GRM7: variants seen among roughly 807,000 people sequenced by gnomAD.
GRM7 encodes metabotropic glutamate receptor 7.
In GRM7, 35 loss-of-function variants were observed where a neutral mutation model predicts 84.5. The ratio of observed to expected loss-of-function variants is 0.41; its 90% CI spans 0.32 to 0.55. The LOEUF (loss-of-function observed/expected upper bound fraction) is 0.55. Ranked by LOEUF, GRM7 falls within the 20% of genes least tolerant of loss-of-function variation. The probability of loss-of-function intolerance (pLI) is 0.19; values close to 1 mark genes in which losing one functional copy is unlikely to be tolerated. For synonymous variants in GRM7, 487 were observed against 455.1 expected (o/e 1.07, Z -0.89); for missense variants, 1,003 against 1,194.6 (o/e 0.84, Z 2.36).
intron 1 of GRM7, among the ~76,000 whole-genome samples, chr3:6,997,353 GA>G (rs1351804400): frequency 1.3e-5 from 2 of 152,080 alleles, no homozygotes; most frequent in Non-Finnish European, 2.9e-5. Flanking sequence ...ATTTATAAAG[GA>G]AAGAGGTCTA....
chr3:7,673,867 A>G (rs954831186), intron 8 of GRM7, among the ~76,000 whole-genome samples: 1 of 152,208 alleles, frequency 6.6e-6, no homozygotes, highest in South Asian at 2.1e-4. Context: ...GGTATACTCA[A>G]ATTGCTTCCT....
intron 7 of GRM7, among the ~76,000 whole-genome samples, chr3:7,512,460 C>CTG (rs1218370914): frequency 1.3e-5 from 2 of 152,010 alleles, no homozygotes; most frequent in African/African-American, 4.8e-5. Context: ...GAATGAGCCC[C>CTG]TGTGTGTGTG....
chr3:7,544,280 A>T (rs1693033751), intron 7 of GRM7, among the ~76,000 whole-genome samples: 1 of 152,194 alleles, frequency 6.6e-6, no homozygotes, highest in African/African-American at 2.4e-5. Flanking sequence ...CTCCTGCCTT[A>T]GCCTCTTGAG....
At chr3:6,982,789 A>C (rs1337428951) in intron 1 of GRM7, among the ~76,000 whole-genome samples, 1 of 152,180 alleles carries the variant, frequency 6.6e-6, no homozygotes. Context: ...GAGATTTATC[A>C]AAATTGTCAT....
intron 4 of GRM7, 37 bp from the exon 5 acceptor site, chr3:7,414,986 C>T: frequency 6.4e-7 from 1 of 1,551,626 alleles, no homozygotes; most frequent in South Asian, 1.2e-5. Flanking sequence ...CCAGCAGTGC[C>T]CCGCAAGCAA....
chr3:7,094,293 C>G (rs964181874), intron 1 of GRM7, among the ~76,000 whole-genome samples: 2 of 152,074 alleles, frequency 1.3e-5, no homozygotes, highest in Admixed American at 1.3e-4. Flanking sequence ...TTTTGTACAT[C>G]CAACCGACAT....
chr3:7,479,745 T>C (rs1222936576), intron 7 of GRM7, among the ~76,000 whole-genome samples: 2 of 152,156 alleles, frequency 1.3e-5, no homozygotes, highest in Non-Finnish European at 2.9e-5. Context: ...AACTATGCTA[T>C]TGGTCAAGGT....
intron 1 of GRM7, among the ~76,000 whole-genome samples, chr3:7,079,943 T>C (rs891130096): frequency 5.9e-5 from 9 of 152,170 alleles, no homozygotes; most frequent in African/African-American, 2.2e-4. Context: ...GAAATTCTGA[T>C]GCCAGAGTTT....
chr3:7,628,044 T>G (rs1234873015), intron 8 of GRM7, among the ~76,000 whole-genome samples: 1 of 152,168 alleles, frequency 6.6e-6, no homozygotes, highest in Non-Finnish European at 1.5e-5. Context: ...TGCAAACTCA[T>G]GCCCCTTTCC....
intron 1 of GRM7, among the ~76,000 whole-genome samples, chr3:6,926,568 C>A (rs1323227844): frequency 6.6e-6 from 1 of 152,160 alleles, no homozygotes; most frequent in Non-Finnish European, 1.5e-5. Context: ...AGAGGATAAT[C>A]TGGTGATATT....
chr3:7,064,517 T>TACAC (rs564968527), intron 1 of GRM7, among the ~76,000 whole-genome samples: 1 of 111,868 alleles, frequency 8.9e-6, no homozygotes, highest in African/African-American at 3.8e-5. Flanking sequence ...TATATATATA[T>TACAC]ACACACACAC....
chr3:7,723,658 C>T (rs955430392), intron 9 of GRM7, among the ~76,000 whole-genome samples: 8 of 151,988 alleles, frequency 5.3e-5, no homozygotes, highest in African/African-American at 1.7e-4. Flanking sequence ...ACACGAGCCT[C>T]GGTAACATAA....
At chr3:7,645,355 T>C (rs1379348842) in intron 8 of GRM7, among the ~76,000 whole-genome samples, 1 of 151,744 alleles carries the variant, frequency 6.6e-6, no homozygotes, top group Non-Finnish European at 1.5e-5. Context: ...GAGACCATCC[T>C]GGCCAACATG....
intron 2 of GRM7, among the ~76,000 whole-genome samples, chr3:7,147,149 G>A (rs772788471): frequency 6.6e-6 from 1 of 152,190 alleles, no homozygotes; most frequent in Non-Finnish European, 1.5e-5. Flanking sequence ...TATCCAGGCA[G>A]TAGAATGTAT....
chr3:7,018,862 C>T (rs997535215), intron 1 of GRM7, among the ~76,000 whole-genome samples: 4 of 152,094 alleles, frequency 2.6e-5, no homozygotes, highest in South Asian at 2.1e-4. Flanking sequence ...TTTGGGAGGG[C>T]GAGGCAGGTG....
intron 5 of GRM7, among the ~76,000 whole-genome samples, chr3:7,440,719 C>T (rs1160670337): frequency 6.6e-6 from 1 of 152,108 alleles, no homozygotes; most frequent in African/African-American, 2.4e-5. Flanking sequence ...ATGTGTAGCT[C>T]CCCCTTATAA....
intron 2 of GRM7, among the ~76,000 whole-genome samples, chr3:7,255,063 A>G (rs17047016): frequency 0.045 from 6,798 of 152,264 alleles, 526 homozygotes; most frequent in African/African-American, 0.16. Context: ...TTCCTCTGCA[A>G]ATATTTCATG....
chr3:7,695,990 C>G (rs1300383790), intron 9 of GRM7, among the ~76,000 whole-genome samples: 2 of 152,128 alleles, frequency 1.3e-5, no homozygotes, highest in Admixed American at 6.5e-5. Context: ...TCAACAGGCA[C>G]ATGTAGCTAG....
At chr3:7,316,442 C>T (rs918649171) in intron 4 of GRM7, among the ~76,000 whole-genome samples, 3 of 151,748 alleles carry the variant, frequency 2.0e-5, no homozygotes, top group East Asian at 1.9e-4. Context: ...CAACAACCAC[C>T]GCAACAAAAA....
Sources: allele counts gnomAD v4.1 joint callset (sites outside exome capture counted in the v4.1 genomes callset), GRCh38; gene constraint gnomAD v4.1.1; transcripts MANE v1.5; gene names NCBI Gene and HGNC (gene_info 2026-07-23, HGNC 2026-07-21).